SLC24A2: variants seen among roughly 807,000 people sequenced by gnomAD.
The protein encoded by SLC24A2 is solute carrier family 24 member 2, also known as sodium/potassium/calcium exchanger 2.
Under a neutral mutation model 62.0 loss-of-function variants are expected in SLC24A2, and 36 were observed. The ratio of observed to expected loss-of-function variants is 0.58; its 90% CI spans 0.44 to 0.77. SLC24A2 has a LOEUF of 0.77. Ranked by LOEUF, SLC24A2 falls within the 30% of genes least tolerant of loss-of-function variation. The pLI, the probability that SLC24A2 is intolerant of heterozygous loss-of-function variation, is 0.00. For synonymous variants in SLC24A2, 358 were observed against 294.0 expected (o/e 1.22, Z -2.23); for missense variants, 846 against 817.9 (o/e 1.03, Z -0.42).
At chr9:19,648,554 A>G (rs558926733) in intron 2 of SLC24A2, among the ~76,000 whole-genome samples, 1 of 152,348 alleles carries the variant, frequency 6.6e-6, no homozygotes, top group Admixed American at 6.5e-5. Flanking sequence ...AGGTCACTTA[A>G]GCAGAAGTGA....
At chr9:19,708,354 C>T (rs1820600319) in intron 2 of SLC24A2, among the ~76,000 whole-genome samples, 1 of 152,022 alleles carries the variant, frequency 6.6e-6, no homozygotes, top group Non-Finnish European at 1.5e-5. Flanking sequence ...AGATTCAATG[C>T]CATCCCCATC....
the SLC24A2 span, among the ~76,000 whole-genome samples, chr9:20,044,923 C>T: frequency 2.0e-5 from 3 of 152,020 alleles, no homozygotes; most frequent in African/African-American, 7.3e-5. Flanking sequence ...GTTACATCTT[C>T]AAGTGTTAAG....
chr9:20,226,913 A>C, the SLC24A2 span, among the ~76,000 whole-genome samples: 2 of 152,212 alleles, frequency 1.3e-5, no homozygotes, highest in African/African-American at 4.8e-5. Flanking sequence ...GAAATAATTT[A>C]GGACTAAAGT....
chr9:19,529,164 A>G (rs1360766544), intron 8 of SLC24A2, among the ~76,000 whole-genome samples: 1 of 152,180 alleles, frequency 6.6e-6, no homozygotes, highest in Non-Finnish European at 1.5e-5. Context: ...TTGAGAAACA[A>G]TCCCACTTTT....
the SLC24A2 span, among the ~76,000 whole-genome samples, chr9:20,029,214 G>C: frequency 2.0e-5 from 3 of 152,216 alleles, no homozygotes; most frequent in African/African-American, 7.2e-5. Flanking sequence ...CTGTGGTTAT[G>C]ATACAGCCCG....
chr9:20,154,879 A>G, the SLC24A2 span, among the ~76,000 whole-genome samples: 1 of 151,662 alleles, frequency 6.6e-6, no homozygotes, highest in Non-Finnish European at 1.5e-5. Flanking sequence ...TAGCCATTCC[A>G]AGCATCATAT....
At chr9:19,519,349 T>TTGTGTGTGTGTGTG (rs10640008) in intron 10 of SLC24A2, among the ~76,000 whole-genome samples, 85 of 147,582 alleles carry the variant, frequency 5.8e-4, no homozygotes, top group African/African-American at 1.9e-3. Context: ...TTAAACTTCC[T>TTGTGTGTGTGTGTG]TGTGTGTGTG....
the SLC24A2 span, among the ~76,000 whole-genome samples, chr9:20,198,566 G>A: frequency 6.6e-6 from 1 of 152,140 alleles, no homozygotes; most frequent in African/African-American, 2.4e-5. Context: ...GCCAGCTGGC[G>A]GACAAAGGAG....
chr9:19,890,899 A>T, the SLC24A2 span, among the ~76,000 whole-genome samples: 1 of 151,946 alleles, frequency 6.6e-6, no homozygotes, highest in Admixed American at 6.6e-5. Context: ...CCAATTGCTC[A>T]CTCGACATTT....
chr9:20,020,176 A>G, the SLC24A2 span, among the ~76,000 whole-genome samples: 4 of 152,348 alleles, frequency 2.6e-5, no homozygotes, highest in African/African-American at 9.6e-5. Flanking sequence ...TTCCTCAAGG[A>G]TCTAGAACCA....
intron 2 of SLC24A2, among the ~76,000 whole-genome samples, chr9:19,702,313 A>G (rs947843132): frequency 5.3e-5 from 8 of 152,174 alleles, no homozygotes; most frequent in African/African-American, 1.7e-4. Context: ...GTCTTATGCA[A>G]AGCAATCTAT....
At chr9:20,195,056 T>G in the SLC24A2 span, among the ~76,000 whole-genome samples, 1 of 152,328 alleles carries the variant, frequency 6.6e-6, no homozygotes, top group East Asian at 1.9e-4. Flanking sequence ...GTTCTTTTTG[T>G]CTCAGTTTTC....
At chr9:20,048,599 A>G in the SLC24A2 span, among the ~76,000 whole-genome samples, 96 of 152,356 alleles carry the variant, frequency 6.3e-4, no homozygotes, top group East Asian at 0.017. Context: ...AGGAGTCAAC[A>G]TTCAAAACAG....
At chr9:19,539,534 C>T (rs1834151235) in intron 8 of SLC24A2, among the ~76,000 whole-genome samples, 1 of 136,758 alleles carries the variant, frequency 7.3e-6, no homozygotes, top group Non-Finnish European at 1.6e-5. Context: ...ATTCTTAATC[C>T]TGAGTTCTAG....
chr9:19,864,518 A>C, the SLC24A2 span, among the ~76,000 whole-genome samples: 2 of 152,090 alleles, frequency 1.3e-5, no homozygotes, highest in South Asian at 4.1e-4. Context: ...TATCCCTGTA[A>C]AGCAAGGATG....
At chr9:19,815,492 A>G in the SLC24A2 span, among the ~76,000 whole-genome samples, 1 of 152,062 alleles carries the variant, frequency 6.6e-6, no homozygotes, top group African/African-American at 2.4e-5. Context: ...TTTTTGCATC[A>G]TTTTGAGTGC....
the SLC24A2 span, among the ~76,000 whole-genome samples, chr9:20,231,482 TTC>T: frequency 1.3e-5 from 2 of 152,208 alleles, no homozygotes; most frequent in African/African-American, 4.8e-5. Flanking sequence ...AGGTATTTTA[TTC>T]TCTTTGAAGC....
At chr9:20,076,839 GATATATATATACATATCATATGTATATAT>G in the SLC24A2 span, among the ~76,000 whole-genome samples, 54,071 of 142,384 alleles carry the variant, frequency 0.38, 10,247 homozygotes, top group Middle Eastern at 0.5. Flanking sequence ...AAGAAAATGT[GATATATATATACATATCATATGTATATAT>G]ATATATATAT....
chr9:19,871,323 G>A, the SLC24A2 span, among the ~76,000 whole-genome samples: 15 of 152,036 alleles, frequency 9.9e-5, no homozygotes, highest in Non-Finnish European at 2.1e-4. Context: ...ACTATAAATT[G>A]TTTAGATGTG....
Sources: allele counts gnomAD v4.1 joint callset (sites outside exome capture counted in the v4.1 genomes callset), GRCh38; gene constraint gnomAD v4.1.1; transcripts MANE v1.5; gene names NCBI Gene and HGNC (gene_info 2026-07-23, HGNC 2026-07-21).